Variants in GALNT1 observed in about 807,000 individuals in gnomAD.
GALNT1 encodes the protein GalNAc transferase 1.
GALNT1 carries 17 observed loss-of-function variants against 65.7 expected under a neutral mutation model. The observed-to-expected ratio is 0.26, with a 90% CI of 0.18 to 0.39. The LOEUF is 0.39. Ranked by LOEUF, GALNT1 falls within the 10% of genes least tolerant of loss-of-function variation. GALNT1 has a pLI of 1.00. For missense variants in GALNT1, 460 were observed against 672.8 expected, an observed-to-expected ratio of 0.68 and a Z score of 3.50; for synonymous variants, 210 against 219.7, an observed-to-expected ratio of 0.96 and a Z score of 0.39.
intron 1 of GALNT1, among the ~76,000 whole-genome samples, chr18:35,598,005 TCCCC>T (rs2046527189): frequency 6.0e-5 from 1 of 16,768 alleles, no homozygotes; most frequent in Non-Finnish European, 1.2e-4. Context: ...TCCCCTCCCC[TCCCC>T]TCCCCTCCCC....
intron 1 of GALNT1, among the ~76,000 whole-genome samples, chr18:35,582,446 G>C (rs75943500): frequency 0.014 from 2,089 of 152,298 alleles, 43 homozygotes; most frequent in African/African-American, 0.046. Context: ...CATTTACCAG[G>C]AATTGGGATG....
At chr18:35,592,127 G>C (rs1397700559) in intron 1 of GALNT1, among the ~76,000 whole-genome samples, 1 of 152,116 alleles carries the variant, frequency 6.6e-6, no homozygotes, top group Non-Finnish European at 1.5e-5. Context: ...GTGGTAGAAA[G>C]GGCTGAGGAA....
At chr18:35,597,629 C>T (rs1304394015) in intron 1 of GALNT1, 1 of 152,550 alleles carries the variant, frequency 6.6e-6, no homozygotes, top group African/African-American at 2.4e-5. Context: ...TAGTAGGTGT[C>T]AGGAGTCAGG....
At chr18:35,605,960 T>C (rs1217281620) in intron 1 of GALNT1, among the ~76,000 whole-genome samples, 1 of 152,230 alleles carries the variant, frequency 6.6e-6, no homozygotes. Flanking sequence ...GAAACAATTA[T>C]GAATATTTAG....
intron 1 of GALNT1, chr18:35,596,549 A>G (rs1257518713): frequency 6.6e-6 from 1 of 152,206 alleles, no homozygotes; most frequent in African/African-American, 2.4e-5. Flanking sequence ...TCTCCACCCT[A>G]GTGTACTTGT....
chr18:35,670,739 G>A (rs1307590012), intron 3 of GALNT1, among the ~76,000 whole-genome samples: 2 of 152,212 alleles, frequency 1.3e-5, no homozygotes, highest in Non-Finnish European at 2.9e-5. Context: ...TTAAGATAAT[G>A]TGGTATCGTT....
At chr18:35,673,482 T>G (rs2047663885) in intron 3 of GALNT1, among the ~76,000 whole-genome samples, 1 of 152,234 alleles carries the variant, frequency 6.6e-6, no homozygotes, top group African/African-American at 2.4e-5. Context: ...GAGTAATTCC[T>G]CTGTCTTAGG....
chr18:35,605,300 C>T (rs1389199504), intron 1 of GALNT1, among the ~76,000 whole-genome samples: 1 of 152,032 alleles, frequency 6.6e-6, no homozygotes, highest in Non-Finnish European at 1.5e-5. Flanking sequence ...GAATTCAAGA[C>T]CAGCCTGGCC....
intron 1 of GALNT1, among the ~76,000 whole-genome samples, chr18:35,628,921 C>T (rs966531408): frequency 1.3e-5 from 2 of 152,170 alleles, no homozygotes; most frequent in Non-Finnish European, 2.9e-5. Context: ...ATGACGAATG[C>T]GCAAGCTTCA....
intron 3 of GALNT1, among the ~76,000 whole-genome samples, chr18:35,669,339 A>G (rs903376183): frequency 6.6e-6 from 1 of 152,230 alleles, no homozygotes; most frequent in African/African-American, 2.4e-5. Flanking sequence ...GAAGCAACAT[A>G]TCAAACTTAT....
chr18:35,677,068 C>T (rs899796041), intron 3 of GALNT1, among the ~76,000 whole-genome samples: 6 of 152,276 alleles, frequency 3.9e-5, no homozygotes, highest in East Asian at 3.9e-4. Context: ...GTTGCCTCCT[C>T]GCTATCCCTG....
At chr18:35,697,895 T>TA (rs2048086356) in intron 9 of GALNT1, among the ~76,000 whole-genome samples, 1 of 152,212 alleles carries the variant, frequency 6.6e-6, no homozygotes. Flanking sequence ...TAATCAGCCA[T>TA]AAACAATTCC....
chr18:35,687,283 C>A, intron 6 of GALNT1, 97 bp downstream of exon 6: 2 of 1,197,608 alleles, frequency 1.7e-6, no homozygotes, highest in African/African-American at 1.5e-5. Flanking sequence ...TTTTGAGAAA[C>A]GTGAAGCATT....
intron 1 of GALNT1, chr18:35,591,761 C>G (rs1327755402): frequency 6.5e-6 from 1 of 154,282 alleles, no homozygotes; most frequent in African/African-American, 2.4e-5. Context: ...ATTGCTATTT[C>G]AAAAGACTAG....
intron 4 of GALNT1, among the ~76,000 whole-genome samples, chr18:35,678,124 G>A (rs1030299964): frequency 3.2e-4 from 49 of 152,134 alleles, no homozygotes; most frequent in Non-Finnish European, 6.3e-4. Flanking sequence ...TTACATCCAT[G>A]AATGGAGAAA....
chr18:35,651,801 T>G (rs368682150), intron 1 of GALNT1, among the ~76,000 whole-genome samples: 1 of 152,202 alleles, frequency 6.6e-6, no homozygotes. Context: ...TTAAACAAAT[T>G]GAAGTAATAA....
intron 1 of GALNT1, among the ~76,000 whole-genome samples, chr18:35,584,228 G>C (rs965799346): frequency 6.6e-6 from 1 of 152,146 alleles, no homozygotes; most frequent in African/African-American, 2.4e-5. Flanking sequence ...GGTTGACGCT[G>C]TTTCTGCTTT....
chr18:35,704,139 T>G (rs1777748804), intron 11 of GALNT1, among the ~76,000 whole-genome samples: 1 of 152,196 alleles, frequency 6.6e-6, no homozygotes, highest in Admixed American at 6.5e-5. Context: ...TAAAAGGTAT[T>G]AGTTCAATTA....
chr18:35,629,738 G>A (rs2046978040), intron 1 of GALNT1, among the ~76,000 whole-genome samples: 3 of 152,118 alleles, frequency 2.0e-5, no homozygotes, highest in South Asian at 4.1e-4. Context: ...AATGTAAATG[G>A]GCTAAATTAA....
Sources: allele counts gnomAD v4.1 joint callset (sites outside exome capture counted in the v4.1 genomes callset), GRCh38; gene constraint gnomAD v4.1.1; transcripts MANE v1.5; gene names NCBI Gene and HGNC (gene_info 2026-07-23, HGNC 2026-07-21).